The following PDPN variants were observed in gnomAD, a reference collection of about 807,000 sequenced individuals.
The protein encoded by PDPN is PA2.26 antigen.
Under a neutral mutation model 23.2 loss-of-function variants are expected in PDPN, and 12 were observed. The ratio of observed to expected loss-of-function variants is 0.52; its 90% confidence interval spans 0.33 to 0.84. The LOEUF is 0.84. Ranked by LOEUF, PDPN falls within the 40% of genes least tolerant of loss-of-function variation. The pLI, the probability that PDPN is intolerant of heterozygous loss-of-function variation, is 0.02. For missense variants in PDPN, 199 were observed against 212.2 expected (o/e 0.94, Z 0.39); for synonymous variants, 77 against 76.7 (o/e 1.00, Z -0.02).
At chr1:13,608,255 A>G (rs1441244142) in intron 2 of PDPN, among the ~76,000 whole-genome samples, 1 of 152,204 alleles carries the variant, frequency 6.6e-6, no homozygotes, top group Non-Finnish European at 1.5e-5. Flanking sequence ...ATGAATTTTA[A>G]TTAACTCCTC....
intron 1 of PDPN, among the ~76,000 whole-genome samples, chr1:13,590,941 ATTTCT>A (rs986795192): frequency 2.6e-5 from 4 of 151,792 alleles, no homozygotes; most frequent in Non-Finnish European, 5.9e-5. Flanking sequence ...ATGAGACCAA[ATTTCT>A]TTTCTTTTTT....
At position 13,616,097 on chromosome 1, in the gene PDPN, C is replaced by T; in HGVS notation, c.*186C>T. 1 of 617,626 alleles carries T rather than the reference C, an allele frequency of 1.6e-6. No homozygotes were observed. Among genetic ancestry groups the T allele is most frequent in the Non-Finnish European group, 2.9e-6 (1 of 341,304 alleles). 38.3% of individuals were successfully genotyped at this position (617,626 alleles called of 1,614,324 possible). A position where few individuals can be genotyped will look rare whatever the true frequency, so the allele number is the denominator to read the frequency against. On this transcript the variant is annotated 3_prime_UTR_variant, in exon 6 of 6. Transcript: ENST00000621990. ...GAAAGACCGTTCACCAGACTTGGCT[C>T]CTCTAAACATTTGCTGTTCAAACAT... is the stretch of plus-strand genomic sequence containing the variant.
At chr1:13,585,775 G>A (rs947505711) in intron 1 of PDPN, 20 of 552,348 alleles carry the variant, frequency 3.6e-5, no homozygotes, top group African/African-American at 1.6e-4. Flanking sequence ...GAGGAGCAGA[G>A]GCCCAGCAGG....
chr1:13,609,846 C>T (rs893461949), intron 2 of PDPN, among the ~76,000 whole-genome samples: 2 of 152,054 alleles, frequency 1.3e-5, no homozygotes, highest in South Asian at 4.2e-4. Flanking sequence ...GCAGGCATCA[C>T]CTGAGGTCGG....
intron 1 of PDPN, among the ~76,000 whole-genome samples, chr1:13,593,051 G>T (rs1385187492): frequency 6.6e-6 from 1 of 152,070 alleles, no homozygotes; most frequent in Non-Finnish European, 1.5e-5. Context: ...AGATTGCTTT[G>T]GTGATTCTCC....
chr1:13,615,846 G>C (rs1308263817), intron 5 of PDPN, 59 bp from the exon 6 acceptor site: 1 of 1,492,734 alleles, frequency 6.7e-7, no homozygotes, highest in Non-Finnish European at 9.3e-7. Flanking sequence ...AGGACTCACG[G>C]AGTTACTATT....
At position 13,614,398 on chromosome 1, in the gene PDPN, T is replaced by C. The variant is rs1295742034; in HGVS notation, c.469T>C (p.Ser157Pro). ...AIIVVVMRKM[S>P]GRYSP is the part of the protein sequence containing the mutation. ...CATCGTTGTGGTTATGCGAAAAATGTCGGGAAGGTACTCGTAAGTAAATAG... is the reference window on the plus strand; with the variant it reads ...CATCGTTGTGGTTATGCGAAAAATGCCGGGAAGGTACTCGTAAGTAAATAG... Residue 157 changes from serine (S) to proline (P), a missense_variant, in exon 5 of 6, where the codon TCG becomes CCG. Coordinates refer to ENST00000621990, the MANE Select transcript of PDPN (RefSeq NM_006474.5). The C allele has an allele frequency of 1.3e-6, 2 of 1,569,358 alleles. No homozygotes were observed. The highest frequency in any genetic ancestry group is 1.8e-6 in the Non-Finnish European group (2 of 1,139,212).
intron 1 of PDPN, among the ~76,000 whole-genome samples, chr1:13,589,629 A>C (rs1640281643): frequency 6.6e-6 from 1 of 152,120 alleles, no homozygotes; most frequent in Non-Finnish European, 1.5e-5. Context: ...ACACACAGAC[A>C]CGGAGCTTGT....
chr1:13,601,304 T>A (rs1490557197), intron 1 of PDPN, among the ~76,000 whole-genome samples: 1 of 152,188 alleles, frequency 6.6e-6, no homozygotes, highest in Non-Finnish European at 1.5e-5. Context: ...TAGTTGGCAG[T>A]GTCCAGGCCA....
intron 1 of PDPN, chr1:13,585,386 A>G (rs1219397566): frequency 1.3e-6 from 1 of 785,744 alleles, no homozygotes; most frequent in East Asian, 6.5e-5. Flanking sequence ...GCCGTGGGTT[A>G]TTCGTAGCAG....
chr1:13,589,165 T>C (rs1016839446), intron 1 of PDPN, among the ~76,000 whole-genome samples: 3 of 152,192 alleles, frequency 2.0e-5, no homozygotes, highest in Non-Finnish European at 4.4e-5. Flanking sequence ...TGTCTTTGTT[T>C]TGTCACAGTC....
chr1:13,614,434 T>C, intron 5 of PDPN, 23 bp downstream of exon 5: 1 of 1,138,652 alleles, frequency 8.8e-7, no homozygotes, highest in Non-Finnish European at 1.3e-6. Flanking sequence ...CTTACACCCA[T>C]GTGATAGGCA....
chr1:13,607,423 C>A, intron 2 of PDPN, 117 bp downstream of exon 2: 1 of 661,064 alleles, frequency 1.5e-6, no homozygotes, highest in Non-Finnish European at 2.3e-6. Flanking sequence ...TCAGCATGAG[C>A]CACCATACCA....
rs1641079173 is a variant in PDPN, at chr1:13,616,592, A to C, written c.*681A>C. ...GTTTCTCCCAAGTAGGCCACCAGGCAGCCTCTAGAGTTGCTTTACCCAAAT... is the reference window on the plus strand; with the variant it reads ...GTTTCTCCCAAGTAGGCCACCAGGCCGCCTCTAGAGTTGCTTTACCCAAAT... On this transcript the variant is annotated 3_prime_UTR_variant, in exon 6 of 6. Coordinates refer to ENST00000621990, the MANE Select transcript of PDPN (RefSeq NM_006474.5). The C allele has an allele frequency of 6.5e-6, 1 of 152,752 alleles. No homozygotes were observed. The highest frequency in any genetic ancestry group is 6.5e-5 in the Admixed American group (1 of 15,364). The allele number at this position is 152,752 out of a possible 1,614,324, so 9.5% of individuals were successfully genotyped here. A position where few individuals can be genotyped will look rare whatever the true frequency, so the allele number is the denominator to read the frequency against.
intron 5 of PDPN, 127 bp from the exon 6 acceptor site, chr1:13,615,776 CAA>C (rs1641057436): frequency 1.1e-5 from 10 of 885,604 alleles, no homozygotes; most frequent in Non-Finnish European, 1.7e-5. Flanking sequence ...ATGTCAGGAA[CAA>C]GAGATGATCA....
intron 1 of PDPN, among the ~76,000 whole-genome samples, chr1:13,590,573 G>T (rs888948835): frequency 1.3e-5 from 2 of 152,150 alleles, no homozygotes; most frequent in Admixed American, 6.5e-5. Flanking sequence ...AGAAGAAATG[G>T]CTTGAACAAA....
intron 5 of PDPN, chr1:13,614,657 C>A (rs1335189447): frequency 6.7e-6 from 3 of 446,740 alleles, no homozygotes; most frequent in Non-Finnish European, 1.2e-5. Flanking sequence ...TGCAGTGGCT[C>A]ACACCTGGAA....
intron 1 of PDPN, among the ~76,000 whole-genome samples, chr1:13,602,220 T>C (rs1640663973): frequency 6.6e-6 from 1 of 151,840 alleles, no homozygotes. Flanking sequence ...CCCAGCTACT[T>C]GGGAGGCTGA....
intron 1 of PDPN, among the ~76,000 whole-genome samples, chr1:13,595,198 C>T (rs1640462213): frequency 6.6e-6 from 1 of 152,152 alleles, no homozygotes; most frequent in East Asian, 1.9e-4. Context: ...GAGGATAGAT[C>T]TGATTGAGAG....
Sources: allele counts gnomAD v4.1 joint callset (sites outside exome capture counted in the v4.1 genomes callset), GRCh38; gene constraint gnomAD v4.1.1; transcripts MANE v1.5; gene names NCBI Gene and HGNC (gene_info 2026-07-23, HGNC 2026-07-21).